DAAM2: variants seen among roughly 807,000 people sequenced by gnomAD.
DAAM2 encodes the protein disheveled-associated activator of morphogenesis 2.
DAAM2 carries 39 observed loss-of-function variants against 120.7 expected under a neutral mutation model. The observed-to-expected ratio is 0.32, with a 90% confidence interval of 0.25 to 0.42. The LOEUF is 0.42. Among genes scored for constraint, DAAM2 ranks in the 10% least tolerant of loss-of-function variants. DAAM2 has a pLI of 1.00. For synonymous variants in DAAM2, 488 were observed against 524.9 expected, an observed-to-expected ratio of 0.93 and a Z score of 0.96; for missense variants, 1,283 against 1,401.7, an observed-to-expected ratio of 0.92 and a Z score of 1.35.
chr6:39,901,838 G>A lies in DAAM2; in HGVS notation c.3008G>A (p.Arg1003Gln), dbSNP rs200742380. ...AMLKEQRERE[R>Q]WQRQRKVLAA... ...CTGAAGGAGCAGAGGGAACGTGAGC[G>A]GTGGCAGCGGCAGCGGAAGGTCCTG... Residue 1003 changes from arginine to glutamine, a missense_variant, in exon 25 of 25, where the codon CGG (arginine) becomes CAG (glutamine). Arg to Gln is a conservative substitution (Grantham distance 43). Transcript: ENST00000274867. This position sits in a 1 kb window ranked among gnomAD's most constrained non-coding sequence, Gnocchi z 4.5. 9.0e-6 allele frequency: 14 copies of A among 1,561,072 alleles called. No individual in the cohort carries two copies. The highest frequency in any genetic ancestry group is 3.5e-4 in the Middle Eastern group (2 of 5,734).
intron 8 of DAAM2, among the ~76,000 whole-genome samples, chr6:39,870,907 T>TG (rs1764635259): frequency 6.6e-6 from 1 of 152,206 alleles, no homozygotes; most frequent in African/African-American, 2.4e-5. Flanking sequence ...GAGGCCCCTC[T>TG]GGTTCTGTCC....
chr6:39,874,322 A>G (rs1764784001), intron 10 of DAAM2, among the ~76,000 whole-genome samples: 1 of 152,192 alleles, frequency 6.6e-6, no homozygotes, highest in African/African-American at 2.4e-5. Context: ...TGAAAAGTAG[A>G]TGGTAAATGA....
At chr6:39,813,437 G>A (rs1280025292) in intron 1 of DAAM2, among the ~76,000 whole-genome samples, 2 of 152,118 alleles carry the variant, frequency 1.3e-5, no homozygotes, top group Non-Finnish European at 1.5e-5. Flanking sequence ...TTATGGCTGC[G>A]TTATGCAAAT....
chr6:39,830,841 G>C (rs531678657), intron 1 of DAAM2, among the ~76,000 whole-genome samples: 1 of 152,310 alleles, frequency 6.6e-6, no homozygotes, highest in African/African-American at 2.4e-5. Flanking sequence ...CAGTGGCCCT[G>C]CAGTCCGGAC....
intron 2 of DAAM2, among the ~76,000 whole-genome samples, chr6:39,859,618 CTT>C (rs957572217): frequency 6.6e-6 from 1 of 152,068 alleles, no homozygotes. Flanking sequence ...ATTTTGAAGA[CTT>C]AGTGTGAAAA....
chr6:39,797,638 A>G (rs1761739091), intron 1 of DAAM2, among the ~76,000 whole-genome samples: 1 of 152,212 alleles, frequency 6.6e-6, no homozygotes, highest in Non-Finnish European at 1.5e-5. Flanking sequence ...ACAGTTCTGT[A>G]AGCTTCCCAG....
chr6:39,878,366 C>T lies in DAAM2; in HGVS notation c.1361-38C>T. 6.2e-7 allele frequency: 1 copy of T among 1,609,496 alleles called. No homozygotes were observed. Among genetic ancestry groups the T allele is most frequent in the Non-Finnish European group, 8.5e-7 (1 of 1,177,244 alleles). The stretch of plus-strand genomic sequence containing the variant: ...CAGGGAGTCACATTACTCACATTCT[C>T]TCCTTCTGTTTCCTCTCCCGTCCCA... On this transcript the variant is annotated intron_variant, in intron 12 of 24. Transcript: ENST00000274867. This position sits in a 1 kb window ranked among gnomAD's most constrained non-coding sequence, Gnocchi z 5.0.
intron 1 of DAAM2, among the ~76,000 whole-genome samples, chr6:39,826,965 C>T (rs977072033): frequency 2.0e-5 from 3 of 152,084 alleles, no homozygotes; most frequent in Admixed American, 6.5e-5. Context: ...AAGAGAGAGG[C>T]GGTGTAGCTT....
chr6:39,858,755 C>T (rs894656827), intron 2 of DAAM2, among the ~76,000 whole-genome samples: 5 of 152,076 alleles, frequency 3.3e-5, no homozygotes, highest in African/African-American at 9.7e-5. Flanking sequence ...GTCTGGAGCT[C>T]AGGAAACTGT....
Position 39,904,273 on chromosome 6 carries a change from G to A in DAAM2, c.*2236G>A, listed in dbSNP as rs1242520732. 7 of 456,634 alleles carry A rather than the reference G, an allele frequency of 1.5e-5. No homozygotes were observed. Among genetic ancestry groups the A allele is most frequent in the Non-Finnish European group, 2.6e-5 (6 of 226,982 alleles). 28.3% of individuals were successfully genotyped at this position (456,634 alleles called of 1,614,324 possible). On this transcript the variant is annotated 3_prime_UTR_variant, in exon 25 of 25. Transcript: ENST00000274867. ...CTCAGCCTTCTCACTCTAAAAGAAA[G>A]ATATTTTTCTATTTATTTTCTACAT...
At chr6:39,793,405 G>C (rs1409931768) in intron 1 of DAAM2, among the ~76,000 whole-genome samples, 1 of 152,074 alleles carries the variant, frequency 6.6e-6, no homozygotes, top group Non-Finnish European at 1.5e-5. Flanking sequence ...TATCAAAATT[G>C]AACACAGATT....
chr6:39,846,312 T>A (rs1307678105), intron 1 of DAAM2, among the ~76,000 whole-genome samples: 1 of 152,098 alleles, frequency 6.6e-6, no homozygotes, highest in Non-Finnish European at 1.5e-5. Flanking sequence ...TAAAGGGAGT[T>A]CATGGGATAG....
chr6:39,816,358 T>C (rs1318002), intron 1 of DAAM2, among the ~76,000 whole-genome samples: 82,514 of 152,046 alleles, frequency 0.54, 22,575 homozygotes, highest in East Asian at 0.63. Flanking sequence ...ACTAGGGATT[T>C]GATCACAGCC....
At chr6:39,830,123 A>G (rs1395667826) in intron 1 of DAAM2, among the ~76,000 whole-genome samples, 6 of 152,104 alleles carry the variant, frequency 3.9e-5, no homozygotes, top group Non-Finnish European at 5.9e-5. Flanking sequence ...GCCGCATCCT[A>G]CAGTGCACAG....
At chr6:39,864,749 T>C (rs1450917317) in intron 4 of DAAM2, among the ~76,000 whole-genome samples, 1 of 152,208 alleles carries the variant, frequency 6.6e-6, no homozygotes, top group Admixed American at 6.5e-5. Flanking sequence ...CATTTGGGCA[T>C]CACACAAACT....
chr6:39,799,708 T>C (rs1026310884), intron 1 of DAAM2, among the ~76,000 whole-genome samples: 2 of 152,216 alleles, frequency 1.3e-5, no homozygotes, highest in Non-Finnish European at 2.9e-5. Context: ...TTTTAAAAAA[T>C]ATATTCTTCA....
At chr6:39,838,899 C>T (rs9471184) in intron 1 of DAAM2, among the ~76,000 whole-genome samples, 23,420 of 151,798 alleles carry the variant, frequency 0.15, 3,610 homozygotes, top group African/African-American at 0.38. Context: ...CCGCAAGTGA[C>T]CCACCCACCT....
intron 5 of DAAM2, 91 bp downstream of exon 5, chr6:39,865,165 A>T: frequency 1.3e-6 from 1 of 768,034 alleles, no homozygotes; most frequent in Middle Eastern, 2.3e-4. Context: ...CTCTGCTCCC[A>T]TGCCGGTCCT....
intron 15 of DAAM2, chr6:39,885,796 G>A (rs1280484410): frequency 2.0e-5 from 3 of 152,288 alleles, no homozygotes; most frequent in African/African-American, 7.2e-5. Context: ...GGGAGGTCCT[G>A]GGAGTCATGG....
Sources: gnomAD v4.1 joint callset for allele counts (sites outside exome capture counted in the v4.1 genomes callset) on GRCh38, gnomAD v4.1.1 for gene constraint, Gnocchi (gnomAD v3.1) non-coding constraint, MANE v1.5 for transcripts, NCBI Gene and HGNC (gene_info 2026-07-23, HGNC 2026-07-21) for gene names.